Variants in CKM observed in about 807,000 individuals in gnomAD.
CKM encodes the protein creatine kinase, M-type.
A neutral mutation model predicts 35.4 loss-of-function variants in CKM; 28 were observed. That is an observed-to-expected ratio of 0.79 (90% CI 0.59 to 1.08). The LOEUF is 1.08. Among genes scored for constraint, CKM ranks in the 50% least tolerant of loss-of-function variants. The probability of loss-of-function intolerance (pLI) is 0.00; values close to 1 mark genes in which losing one functional copy is unlikely to be tolerated. For synonymous variants in CKM, 215 were observed against 204.4 expected, an observed-to-expected ratio of 1.05 and a Z score of -0.44; for missense variants, 484 against 509.8, an observed-to-expected ratio of 0.95 and a Z score of 0.49.
At chr19:45,310,869 C>G in intron 5 of CKM, among the ~76,000 whole-genome samples, 1 of 136,878 alleles carries the variant, frequency 7.3e-6, no homozygotes, top group East Asian at 2.3e-4. Context: ...CTCTTGGGTT[C>G]AGGCCATTCT....
intron 5 of CKM, among the ~76,000 whole-genome samples, chr19:45,309,227 CAAA>C (rs59133395): frequency 6.2e-5 from 5 of 80,760 alleles, no homozygotes; most frequent in Non-Finnish European, 6.7e-5. Context: ...GACTCCATCT[CAAA>C]AAAAAAAAAA....
At chr19:45,319,442 G>A (rs1342148590) in intron 2 of CKM, 79 bp downstream of exon 2, 4 of 1,126,076 alleles carry the variant, frequency 3.6e-6, no homozygotes, top group Non-Finnish European at 5.3e-6. Context: ...CCCCCTTCAA[G>A]GGTGGTGGGA....
At chr19:45,311,056 A>G (rs1971104947) in intron 5 of CKM, among the ~76,000 whole-genome samples, 1 of 147,772 alleles carries the variant, frequency 6.8e-6, no homozygotes. Context: ...CTGGGATTAC[A>G]GGCGTGAGCC....
At chr19:45,307,386 C>T in intron 7 of CKM, 75 bp downstream of exon 7, 6 of 1,407,846 alleles carry the variant, frequency 4.3e-6, no homozygotes, top group Middle Eastern at 2.1e-4. Flanking sequence ...GCAGGGATGT[C>T]GCACCTCTCC....
Position 45,315,491 on chromosome 19 carries a change from C to T in CKM, c.455G>A (p.Arg152Gln), listed in dbSNP as rs146705516. ...LPPHCSRGERRAVEKLSVEAL... is the reference protein window; with the variant it reads ...LPPHCSRGERQAVEKLSVEAL... ...TTCCACAGAGAGCTTCTCCACCGCC[C>T]GGCGCTCGCCACGGGAGCAGTGTGG... The change falls in exon 4 of 8, where the codon CGG (arginine) becomes CAG (glutamine). Residue 152 changes from arginine (R) to glutamine (Q), a missense_variant. Physicochemically the swap from Arg to Gln is conservative, Grantham distance 43. Coordinates refer to ENST00000221476, the MANE Select transcript of CKM (RefSeq NM_001824.5). The T allele has an allele frequency of 2.7e-5, 43 of 1,599,596 alleles. 1 individual carries two copies. Among genetic ancestry groups the T allele is most frequent in the Admixed American group, 3.3e-5 (2 of 59,974 alleles).
chr19:45,315,066 A>G (rs1257237985), intron 4 of CKM, among the ~76,000 whole-genome samples: 1 of 152,004 alleles, frequency 6.6e-6, no homozygotes, highest in Non-Finnish European at 1.5e-5. Context: ...TCTTGGCTTC[A>G]TGGCACTTTT....
chr19:45,312,227 C>T (rs1429619743), intron 4 of CKM, among the ~76,000 whole-genome samples: 1 of 152,216 alleles, frequency 6.6e-6, no homozygotes, highest in East Asian at 1.9e-4. Context: ...GGTGCCTGCT[C>T]CTAATGGCTG....
chr19:45,319,425 G>GGC, intron 2 of CKM, 96 bp downstream of exon 2: 1 of 942,052 alleles, frequency 1.1e-6, no homozygotes. Flanking sequence ...AGAAAACTGA[G>GGC]GCCCCCCCCC....
At chr19:45,318,699 T>G (rs1224143215) in intron 2 of CKM, among the ~76,000 whole-genome samples, 1 of 152,016 alleles carries the variant, frequency 6.6e-6, no homozygotes, top group Non-Finnish European at 1.5e-5. Flanking sequence ...CCCTCTTGTT[T>G]CCCAGTGGAA....
rs377725988 is a variant in CKM at position 45,317,960 on chromosome 19, G to A, written c.213C>T (p.Thr71=). The stretch of plus-strand genomic sequence containing the variant: ...CCTCATCACCAGCCACGCAGCCCAC[G>A]GTCATGATGAAGGGGTGACCTGGAG... The part of the protein sequence containing the change: ...VDNPGHPFIM[T]VGCVAGDEES... Residue 71 remains threonine, a synonymous_variant, in exon 3 of 8, where the codon ACC becomes ACT. Coordinates refer to ENST00000221476, the MANE Select transcript of CKM (RefSeq NM_001824.5). The A allele has an allele frequency of 6.6e-5, 107 of 1,613,954 alleles. 2 individuals carry two copies. The East Asian group carries it at 9.4e-4, about 14-fold the overall frequency.
chr19:45,319,476 A>G (rs1253523347), intron 2 of CKM, 45 bp downstream of exon 2: 1 of 1,532,448 alleles, frequency 6.5e-7, no homozygotes. Flanking sequence ...GGCAGCCTCC[A>G]GAGCCCCCAT....
At chr19:45,307,050 GCACA>G in intron 7 of CKM, 122 bp from the exon 8 acceptor site, 13 of 935,654 alleles carry the variant, frequency 1.4e-5, no homozygotes, top group Non-Finnish European at 2.2e-5. Flanking sequence ...CAGGTTACCT[GCACA>G]CAGGTAATGC....
intron 2 of CKM, 138 bp downstream of exon 2, chr19:45,319,383 T>C (rs1035969022): frequency 5.8e-6 from 4 of 686,696 alleles, no homozygotes; most frequent in Non-Finnish European, 1.0e-5. Flanking sequence ...TATTAATGCA[T>C]TGATTCCCAC....
intron 1 of CKM, among the ~76,000 whole-genome samples, chr19:45,320,472 A>G (rs1485935273): frequency 6.6e-6 from 1 of 152,212 alleles, no homozygotes; most frequent in African/African-American, 2.4e-5. Context: ...AACTTGGAGC[A>G]AGAGAAATCC....
Position 45,306,983 on chromosome 19 carries a change from G to A in CKM, c.968-55C>T. On this transcript the variant is annotated intron_variant, in intron 7 of 7. Transcript: ENST00000221476. The surrounding 1 kb of genome is among the most constrained non-coding windows in gnomAD (Gnocchi z 4.5). ...AGGCAGCGAAGGTGCAGAGGGGCTGGGACGTGGCCCCCGTGCCAAATGCAA... is the reference window on the plus strand; with the variant it reads ...AGGCAGCGAAGGTGCAGAGGGGCTGAGACGTGGCCCCCGTGCCAAATGCAA... The A allele has an allele frequency of 6.3e-7, 1 of 1,585,848 alleles. No homozygotes were observed. The highest frequency in any genetic ancestry group is 8.6e-7 in the Non-Finnish European group (1 of 1,160,674).
rs747375058 is a variant in CKM at position 45,308,538 on chromosome 19, G to A, written c.654-6C>T. 6.8e-6 allele frequency: 11 copies of A among 1,613,820 alleles called. No individual in the cohort carries two copies. The Admixed American group carries it at 1.8e-4, about 27-fold the overall frequency. On this transcript the variant is annotated splice_polypyrimidine_tract_variant and splice_region_variant and intron_variant, in intron 5 of 7. Coordinates refer to ENST00000221476, the MANE Select transcript of CKM (RefSeq NM_001824.5). ...AGCTCTTGTTGTCATTGTGCCTAGA[G>A]TAAGGTGCCGCAGCAAGAGGCCAAG...
In CKM at chr19:45,319,508, T is replaced by C. The variant is rs1395978732; in HGVS notation, c.193+13A>G. On this transcript the variant is annotated intron_variant, in intron 2 of 7. Coordinates refer to ENST00000221476, the MANE Select transcript of CKM (RefSeq NM_001824.5). ...CCATGTAGCCCCTTCAGTGCTCCACTGGGGAGGCTCACCTGGGTTGTCCAC... is the reference window on the plus strand; with the variant it reads ...CCATGTAGCCCCTTCAGTGCTCCACCGGGGAGGCTCACCTGGGTTGTCCAC... 1 of 1,610,620 alleles carries C rather than the reference T, an allele frequency of 6.2e-7. No homozygotes were observed. The highest frequency in any genetic ancestry group is 8.5e-7 in the Non-Finnish European group (1 of 1,177,642).
intron 5 of CKM, among the ~76,000 whole-genome samples, chr19:45,311,062 G>A (rs1240291674): frequency 2.1e-5 from 3 of 146,038 alleles, no homozygotes; most frequent in Admixed American, 6.8e-5. Flanking sequence ...TTACAGGCGT[G>A]AGCCACCGCG....
intron 2 of CKM, among the ~76,000 whole-genome samples, chr19:45,319,237 C>T (rs779724852): frequency 6.6e-6 from 1 of 152,186 alleles, no homozygotes; most frequent in African/African-American, 2.4e-5. Flanking sequence ...GTTTTCACAA[C>T]GTGGGCGCCC....
Sources: allele counts gnomAD v4.1 joint callset (sites outside exome capture counted in the v4.1 genomes callset), GRCh38; gene constraint gnomAD v4.1.1; non-coding constraint Gnocchi (gnomAD v3.1); transcripts MANE v1.5; gene names NCBI Gene and HGNC (gene_info 2026-07-23, HGNC 2026-07-21).